Variants in RASGEF1C observed in about 807,000 individuals in gnomAD.
RASGEF1C encodes ras-GEF domain-containing family member 1C.
Under a neutral mutation model 58.1 loss-of-function variants are expected in RASGEF1C, and 27 were observed. That is an observed-to-expected ratio of 0.46 (90% CI 0.34 to 0.64). RASGEF1C has a LOEUF of 0.64. Ranked by LOEUF, RASGEF1C falls within the 30% of genes least tolerant of loss-of-function variation. The pLI is 0.01. For synonymous variants in RASGEF1C, 243 were observed against 246.3 expected (o/e 0.99, Z 0.13); for missense variants, 502 against 605.1 (o/e 0.83, Z 1.79).
At chr5:180,170,584 C>G (rs1767093903) in intron 1 of RASGEF1C, among the ~76,000 whole-genome samples, 1 of 152,186 alleles carries the variant, frequency 6.6e-6, no homozygotes, top group African/African-American at 2.4e-5. Flanking sequence ...GCCAGGCTCA[C>G]TGCCCTCCTG....
At chr5:180,180,016 A>C (rs533059124) in intron 1 of RASGEF1C, among the ~76,000 whole-genome samples, 1 of 152,242 alleles carries the variant, frequency 6.6e-6, no homozygotes, top group Non-Finnish European at 1.5e-5. Context: ...GGTGGAGTGC[A>C]GTGATGGAGC....
chr5:180,104,428 G>A (rs1765843261), intron 12 of RASGEF1C, among the ~76,000 whole-genome samples: 1 of 152,204 alleles, frequency 6.6e-6, no homozygotes, highest in South Asian at 2.1e-4. Flanking sequence ...CTCCACCTTA[G>A]AAGCAGAGAG....
intron 10 of RASGEF1C, among the ~76,000 whole-genome samples, chr5:180,116,769 C>T (rs529474634): frequency 7.2e-5 from 11 of 152,354 alleles, no homozygotes; most frequent in African/African-American, 2.2e-4. Flanking sequence ...TCCTGTACAC[C>T]GACTCTGCAT....
intron 1 of RASGEF1C, among the ~76,000 whole-genome samples, chr5:180,181,729 CG>C (rs1414961273): frequency 6.6e-5 from 10 of 152,196 alleles, no homozygotes; most frequent in African/African-American, 2.4e-4. Flanking sequence ...AACACATTTC[CG>C]TTGTTTTAAG....
rs368685854 is a variant in RASGEF1C, at chr5:180,135,232, G to A, written c.438+1146C>T. The A allele has an allele frequency of 1.6e-4, 25 of 152,402 alleles. 1 individual carries two copies. The highest frequency in any genetic ancestry group is 5.5e-4 in the African/African-American group (23 of 41,562). 9.4% of individuals were successfully genotyped at this position (152,402 alleles called of 1,614,324 possible). Reference sequence around the variant, plus strand: ...ACCACTCTCACCTCACTGAGCCTCAGAACTTGCCTGCTCAGTTCTGAGTCA... The same window carrying A: ...ACCACTCTCACCTCACTGAGCCTCAAAACTTGCCTGCTCAGTTCTGAGTCA... On this transcript the variant is annotated intron_variant, in intron 4 of 13. Transcript: ENST00000361132.
At chr5:180,154,174 C>T (rs1290625867) in intron 1 of RASGEF1C, among the ~76,000 whole-genome samples, 1 of 152,178 alleles carries the variant, frequency 6.6e-6, no homozygotes, top group African/African-American at 2.4e-5. Flanking sequence ...AGGTCTACCC[C>T]CTGGGCAGGT....
At chr5:180,106,325 CTTTGAG>C (rs1441116920) in intron 12 of RASGEF1C, among the ~76,000 whole-genome samples, 1 of 152,134 alleles carries the variant, frequency 6.6e-6, no homozygotes, top group East Asian at 1.9e-4. Context: ...CTGCTGCTGG[CTTTGAG>C]TTTATTTTGC....
chr5:180,152,419 TG>T (rs1766767389), intron 1 of RASGEF1C, among the ~76,000 whole-genome samples: 1 of 151,844 alleles, frequency 6.6e-6, no homozygotes, highest in African/African-American at 2.4e-5. Flanking sequence ...TGAAGGGACA[TG>T]GATGAAGCTG....
At chr5:180,110,761 G>A (rs1387211231) in intron 12 of RASGEF1C, among the ~76,000 whole-genome samples, 8 of 152,234 alleles carry the variant, frequency 5.3e-5, no homozygotes, top group Admixed American at 3.3e-4. Context: ...ACACGTACAC[G>A]CCTACACAGT....
At chr5:180,101,587 C>T (rs1765785964) in intron 13 of RASGEF1C, 62 bp from the exon 14 acceptor site, 12 of 1,589,046 alleles carry the variant, frequency 7.6e-6, no homozygotes, top group Admixed American at 1.7e-5. Context: ...AGTTAGACTG[C>T]TCTCCAGCAC....
chr5:180,180,200 GTAA>G (rs1390336185), intron 1 of RASGEF1C, among the ~76,000 whole-genome samples: 1 of 152,232 alleles, frequency 6.6e-6, no homozygotes, highest in African/African-American at 2.4e-5. Flanking sequence ...GTCTGTGGAG[GTAA>G]TAACAAGTAG....
chr5:180,120,916 T>C, intron 7 of RASGEF1C, 144 bp downstream of exon 7: 1 of 621,040 alleles, frequency 1.6e-6, no homozygotes, highest in Non-Finnish European at 2.9e-6. Flanking sequence ...TCACCTGGAG[T>C]CCTGGAGGGG....
chr5:180,107,638 T>G (rs1052377952), intron 12 of RASGEF1C, among the ~76,000 whole-genome samples: 1 of 152,228 alleles, frequency 6.6e-6, no homozygotes, highest in Non-Finnish European at 1.5e-5. Context: ...AGACAGAGTC[T>G]TGCTCTGTCA....
At chr5:180,206,060 C>T (rs34084851) in intron 1 of RASGEF1C, among the ~76,000 whole-genome samples, 4,671 of 151,344 alleles carry the variant, frequency 0.031, 90 homozygotes, top group Middle Eastern at 0.038. Context: ...TATATTTTTT[C>T]TCTCTCTCTC....
In RASGEF1C at chr5:180,176,789, T is replaced by C. The variant is rs374702475; in HGVS notation, c.-7+32239A>G. Among the ~76,000 whole-genome samples the C allele has an allele frequency of 3.0e-3, 462 of 152,110 alleles. 1 individual carries two copies. The highest frequency in any genetic ancestry group is 9.6e-3 in the African/African-American group (398 of 41,522). ...GCCAGGATGGTCTCGATCTCCTGACTTCATGATCCGCCCGCCTCGGCCTCC... is the reference window on the plus strand; with the variant it reads ...GCCAGGATGGTCTCGATCTCCTGACCTCATGATCCGCCCGCCTCGGCCTCC... On this transcript the variant is annotated intron_variant, in intron 1 of 13. Coordinates refer to ENST00000361132, the MANE Select transcript of RASGEF1C (RefSeq NM_175062.4).
chr5:180,125,580 C>G (rs758995667), intron 6 of RASGEF1C, among the ~76,000 whole-genome samples: 4 of 152,036 alleles, frequency 2.6e-5, no homozygotes, highest in Admixed American at 6.5e-5. Context: ...GTCGGGAGTT[C>G]GAGACCAGCC....
chr5:180,135,909 T>C (rs901015181), intron 4 of RASGEF1C, among the ~76,000 whole-genome samples: 1 of 152,094 alleles, frequency 6.6e-6, no homozygotes, highest in Non-Finnish European at 1.5e-5. Context: ...CCATTTTCCT[T>C]GCTACTGTTT....
chr5:180,149,088 C>CTTTTTTTTTT (rs61204210), intron 1 of RASGEF1C, among the ~76,000 whole-genome samples: 34 of 110,158 alleles, frequency 3.1e-4, no homozygotes, highest in African/African-American at 1.0e-3. Flanking sequence ...CTTTTTTTTT[C>CTTTTTTTTTT]TTTTTTTTTT....
At chr5:180,105,555 C>T (rs1202973164) in intron 12 of RASGEF1C, among the ~76,000 whole-genome samples, 1 of 149,010 alleles carries the variant, frequency 6.7e-6, no homozygotes, top group Non-Finnish European at 1.5e-5. Flanking sequence ...GAGCAAGACT[C>T]TGTCTCAAAA....
Sources: gnomAD v4.1 joint callset for allele counts (sites outside exome capture counted in the v4.1 genomes callset) on GRCh38, gnomAD v4.1.1 for gene constraint, MANE v1.5 for transcripts, NCBI Gene and HGNC (gene_info 2026-07-23, HGNC 2026-07-21) for gene names.